Variants in MUL1 observed in about 807,000 individuals in gnomAD.
MUL1 encodes mitochondrial ubiquitin ligase activator of NFKB 1.
Under a neutral mutation model 34.1 loss-of-function variants are expected in MUL1, and 30 were observed. The ratio of observed to expected loss-of-function variants is 0.88; its 90% CI spans 0.66 to 1.19. The LOEUF (loss-of-function observed/expected upper bound fraction) is 1.19. Ranked by LOEUF, MUL1 falls within the 50% of genes most tolerant of loss-of-function variation. The pLI, the probability that MUL1 is intolerant of heterozygous loss-of-function variation, is 0.00. For missense variants in MUL1, 419 were observed against 450.5 expected, an observed-to-expected ratio of 0.93 and a Z score of 0.63; for synonymous variants, 191 against 187.8, an observed-to-expected ratio of 1.02 and a Z score of -0.14.
At chr1:20,505,923 A>G (rs1203339686) in intron 1 of MUL1, among the ~76,000 whole-genome samples, 1 of 152,212 alleles carries the variant, frequency 6.6e-6, no homozygotes, top group Non-Finnish European at 1.5e-5. Flanking sequence ...AGAGCTAATC[A>G]CTTCAGGATT....
chr1:20,504,881 A>G (rs1442524249), intron 1 of MUL1, among the ~76,000 whole-genome samples: 1 of 152,224 alleles, frequency 6.6e-6, no homozygotes, highest in Non-Finnish European at 1.5e-5. Flanking sequence ...TACGGTAGAC[A>G]TTATTATCAC....
rs1349470426 is a variant in MUL1, at chr1:20,500,021, C to T, written c.*669G>A. ...CCTGACCAACTGCCCTTCACATGAT[C>T]TCTCTTCAATCTGTTGCCCGGGGCC... On this transcript the variant is annotated 3_prime_UTR_variant, in exon 4 of 4. Transcript: ENST00000264198. The T allele has an allele frequency of 6.6e-6, 1 of 152,342 alleles. No individual in the cohort carries two copies. The highest frequency in any genetic ancestry group is 1.5e-5 in the Non-Finnish European group (1 of 68,134). 9.4% of individuals were successfully genotyped at this position (152,342 alleles called of 1,614,324 possible). A position where few individuals can be genotyped will look rare whatever the true frequency, so the allele number is the denominator to read the frequency against.
chr1:20,507,822 G>A (rs1262206783), intron 1 of MUL1, 83 bp downstream of exon 1: 3 of 1,515,088 alleles, frequency 2.0e-6, no homozygotes, highest in African/African-American at 1.4e-5. Flanking sequence ...TTCCGACGGT[G>A]GGGCGGCCAA....
rs1247432887 is a variant in MUL1, at chr1:20,501,086, T to C, written c.663A>G (p.Leu221=). The C allele has an allele frequency of 6.2e-7, 1 of 1,614,134 alleles. No homozygotes were observed. Among genetic ancestry groups the C allele is most frequent in the Non-Finnish European group, 8.5e-7 (1 of 1,180,030 alleles). ...QPPKQGMQYY[L]SSQDFDSLLQ... is the part of the protein sequence containing the mutation. ...GCAGGCTGTCGAAGTCCTGGCTGCTTAGATAGTACTGCATGCCTTGTTTGG... is the reference window on the plus strand; with the variant it reads ...GCAGGCTGTCGAAGTCCTGGCTGCTCAGATAGTACTGCATGCCTTGTTTGG... Residue 221 remains leucine, a synonymous_variant, in exon 4 of 4, where the codon CTA becomes CTG. Coordinates refer to ENST00000264198, the MANE Select transcript of MUL1 (RefSeq NM_024544.3). This position sits in a 1 kb window ranked among gnomAD's most constrained non-coding sequence, Gnocchi z 4.2.
At position 20,502,556 on chromosome 1, in the gene MUL1, C is replaced by T. The variant is rs116761862; in HGVS notation, c.209-367G>A. 2.1e-3 allele frequency among the ~76,000 whole-genome samples: 324 copies of T among 152,216 alleles called. 1 individual carries two copies. Among genetic ancestry groups the T allele is most frequent in the African/African-American group, 6.7e-3 (278 of 41,550 alleles). Reference sequence around the variant, plus strand: ...GACAGAGCCAAGACTCTATTTGAGACGGAGTCTCACTCTGTTACCCAGGCT... The same window carrying T: ...GACAGAGCCAAGACTCTATTTGAGATGGAGTCTCACTCTGTTACCCAGGCT... On this transcript the variant is annotated intron_variant, in intron 2 of 3. Coordinates refer to ENST00000264198, the MANE Select transcript of MUL1 (RefSeq NM_024544.3).
In MUL1 at chr1:20,500,826, C is replaced by G. The variant is rs746713932; in HGVS notation, c.923G>C (p.Ser308Thr). 3 of 1,614,192 alleles carry G rather than the reference C, an allele frequency of 1.9e-6. No individual in the cohort carries two copies. The Admixed American group carries it at 5.0e-5, about 27-fold the overall frequency. Residue 308 changes from serine (S) to threonine (T), a missense_variant, in exon 4 of 4, where the codon AGC (serine) becomes ACC (threonine). Coordinates refer to ENST00000264198, the MANE Select transcript of MUL1 (RefSeq NM_024544.3). ...LKSACVVCLSSFKSCVFLECG... is the reference protein window; with the variant it reads ...LKSACVVCLSTFKSCVFLECG... ...CTCCAGAAAGACGCAGGACTTGAAGCTGCTCAGACACACTACACAGGCGCT... is the reference window on the plus strand; with the variant it reads ...CTCCAGAAAGACGCAGGACTTGAAGGTGCTCAGACACACTACACAGGCGCT...
In MUL1 at chr1:20,508,113, C is replaced by G. The variant is rs576820210; in HGVS notation, c.-89G>C. The G allele has an allele frequency of 3.7e-5, 55 of 1,478,474 alleles. No individual in the cohort carries two copies. In the South Asian group the frequency reaches 7.0e-4, roughly 19 times the overall value. The allele number at this position is 1,478,474 out of a possible 1,614,324, so 91.6% of individuals were successfully genotyped here. On this transcript the variant is annotated 5_prime_UTR_variant, in exon 1 of 4. Coordinates refer to ENST00000264198, the MANE Select transcript of MUL1 (RefSeq NM_024544.3). ...CCACCTCCTTCCGACCAGGACCGCA[C>G]CCCCCCGGCCTAACCTGACCGGAAA...
Position 20,500,769 on chromosome 1 carries a change from T to C in MUL1, c.980A>G (p.Tyr327Cys). The change falls in exon 4 of 4, where the codon TAC becomes TGC. Residue 327 changes from tyrosine to cysteine, a missense_variant. Transcript: ENST00000264198. ...CTTCTTGGGCTCTGGCAAGGCGCGGTAGCACTCGGTGCAGGAACAAACGTG... is the reference window on the plus strand; with the variant it reads ...CTTCTTGGGCTCTGGCAAGGCGCGGCAGCACTCGGTGCAGGAACAAACGTG... ...CGHVCSCTEC[Y>C]RALPEPKKCP... is the part of the protein sequence containing the mutation. 1.2e-6 allele frequency: 2 copies of C among 1,613,858 alleles called. No individual in the cohort carries two copies. The highest frequency in any genetic ancestry group is 1.7e-6 in the Non-Finnish European group (2 of 1,179,956).
chr1:20,502,277 A>C (rs1411182795), intron 2 of MUL1, 88 bp from the exon 3 acceptor site: 7 of 1,562,558 alleles, frequency 4.5e-6, no homozygotes, highest in Non-Finnish European at 6.1e-6. Flanking sequence ...GGTCTGGCAC[A>C]GTAGGTCACA....
In MUL1 at chr1:20,503,773, G is replaced by A. The variant is rs543299990; in HGVS notation, c.121-464C>T. On this transcript the variant is annotated intron_variant, in intron 1 of 3. Transcript: ENST00000264198. The stretch of plus-strand genomic sequence containing the variant: ...ATTATTAATATTACCACATCTTTAC[G>A]AACCAATGCTCTGCATTGTATGTTA... 1.4e-4 allele frequency among the ~76,000 whole-genome samples: 21 copies of A among 152,056 alleles called. No individual in the cohort carries two copies. In the South Asian group the frequency reaches 2.3e-3, roughly 17 times the overall value.
At chr1:20,504,414 T>A (rs1049089764) in intron 1 of MUL1, among the ~76,000 whole-genome samples, 1 of 152,210 alleles carries the variant, frequency 6.6e-6, no homozygotes, top group Non-Finnish European at 1.5e-5. Context: ...TCAGGACGAA[T>A]AAAGGACCAT....
chr1:20,500,588 T>C lies in MUL1; in HGVS notation c.*102A>G. The C allele has an allele frequency of 7.0e-7, 1 of 1,423,244 alleles. No individual in the cohort carries two copies. The highest frequency in any genetic ancestry group is 9.4e-7 in the Non-Finnish European group (1 of 1,061,868). The allele number at this position is 1,423,244 out of a possible 1,614,324, so 88.2% of individuals were successfully genotyped here. A position where few individuals can be genotyped will look rare whatever the true frequency, so the allele number is the denominator to read the frequency against. ...TTCCTCCCTCAATCATACCTGGAGG[T>C]GACAGCTACCCCCACCACTGCTCCT... On this transcript the variant is annotated 3_prime_UTR_variant, in exon 4 of 4. Transcript: ENST00000264198.
In MUL1 at chr1:20,500,777, G is replaced by A. The variant is rs558234273; in HGVS notation, c.972C>T (p.Thr324=). 154 of 1,613,956 alleles carry A rather than the reference G, an allele frequency of 9.5e-5. No individual in the cohort carries two copies. The highest frequency in any genetic ancestry group is 1.1e-4 in the Non-Finnish European group (128 of 1,180,028). ...GCTCTGGCAAGGCGCGGTAGCACTC[G>A]GTGCAGGAACAAACGTGCCCACACT... ...FLECGHVCSC[T]ECYRALPEPK... is the part of the protein sequence containing the mutation. The change falls in exon 4 of 4, where the codon ACC becomes ACT. Residue 324 remains threonine, a synonymous_variant. Transcript: ENST00000264198.
Position 20,500,624 on chromosome 1 carries a change from C to T in MUL1, c.*66G>A, listed in dbSNP as rs1053565638. The stretch of plus-strand genomic sequence containing the variant: ...CCCACCACTGCTCCTCCAAAGGCCT[C>T]GAGATAAAAATCCCTGAAAAGGGGG... On this transcript the variant is annotated 3_prime_UTR_variant, in exon 4 of 4. Coordinates refer to ENST00000264198, the MANE Select transcript of MUL1 (RefSeq NM_024544.3). 237 of 1,512,026 alleles carry T rather than the reference C, an allele frequency of 1.6e-4. No homozygotes were observed. The highest frequency in any genetic ancestry group is 2.0e-4 in the Non-Finnish European group (223 of 1,132,416). 93.7% of individuals were successfully genotyped at this position (1,512,026 alleles called of 1,614,324 possible). A position where few individuals can be genotyped will look rare whatever the true frequency, so the allele number is the denominator to read the frequency against.
chr1:20,503,009 G>GT (rs1217791404), intron 2 of MUL1, among the ~76,000 whole-genome samples: 2 of 152,028 alleles, frequency 1.3e-5, no homozygotes, highest in African/African-American at 4.8e-5. Context: ...CCCCATAAAG[G>GT]TAAGTATTAT....
rs553777218 is a variant in MUL1, at chr1:20,504,213, C to T, written c.121-904G>A. Among the ~76,000 whole-genome samples, 36 of 152,110 alleles carry T rather than the reference C, an allele frequency of 2.4e-4. 3 individuals are homozygous for T. The highest frequency in any genetic ancestry group is 1.9e-4 in the East Asian group (1 of 5,198). On this transcript the variant is annotated intron_variant, in intron 1 of 3. Transcript: ENST00000264198. Reference sequence around the variant, plus strand: ...TTTCATGCTCATAATTAAGTGAGCACGGTTCTTTCTGCTGCTGTCTTCCTC... The same window carrying T: ...TTTCATGCTCATAATTAAGTGAGCATGGTTCTTTCTGCTGCTGTCTTCCTC...
chr1:20,503,169 T>C (rs1317622742), intron 2 of MUL1, 53 bp downstream of exon 2: 5 of 1,284,528 alleles, frequency 3.9e-6, no homozygotes. Flanking sequence ...ATGATCTTTA[T>C]CAATCTTTTG....
chr1:20,503,023 C>T (rs765377051), intron 2 of MUL1, among the ~76,000 whole-genome samples, 199 bp downstream of exon 2: 11 of 152,044 alleles, frequency 7.2e-5, no homozygotes, highest in Non-Finnish European at 1.5e-4. Context: ...GTATTATTTT[C>T]GAGATCAGGC....
At chr1:20,505,615 AAAAGAAAAAAAG>A (rs1439164231) in intron 1 of MUL1, among the ~76,000 whole-genome samples, 1 of 151,020 alleles carries the variant, frequency 6.6e-6, no homozygotes, top group Non-Finnish European at 1.5e-5. Flanking sequence ...AAGAAGAGGA[AAAAGAAAAAAAG>A]AAAGAAGAAA....
Sources: gnomAD v4.1 joint callset for allele counts (sites outside exome capture counted in the v4.1 genomes callset) on GRCh38, gnomAD v4.1.1 for gene constraint, Gnocchi (gnomAD v3.1) non-coding constraint, MANE v1.5 for transcripts, NCBI Gene and HGNC (gene_info 2026-07-23, HGNC 2026-07-21) for gene names.